HERC4: variants seen among roughly 807,000 people sequenced by gnomAD.
HERC4 encodes probable E3 ubiquitin-protein ligase HERC4.
HERC4 carries 28 observed loss-of-function variants against 124.3 expected under a neutral mutation model. The observed-to-expected ratio is 0.23, with a 90% confidence interval of 0.17 to 0.31. The LOEUF is 0.31. HERC4 is among the 10% of genes least tolerant of loss of function. HERC4 has a pLI of 1.00. For missense variants in HERC4, 713 were observed against 1,229.3 expected (o/e 0.58, Z 6.28); for synonymous variants, 407 against 421.5 (o/e 0.97, Z 0.42).
At chr10:68,051,816 G>A (rs2133604543) in intron 3 of HERC4, among the ~76,000 whole-genome samples, 1 of 151,296 alleles carries the variant, frequency 6.6e-6, no homozygotes, top group East Asian at 1.9e-4. Context: ...AGGCTCCTGA[G>A]TAGCTGAGAC....
At chr10:68,059,843 T>TA (rs369176272) in intron 3 of HERC4, among the ~76,000 whole-genome samples, 1,616 of 26,260 alleles carry the variant, frequency 0.062, 240 homozygotes, top group African/African-American at 0.27. Flanking sequence ...TATATTATAA[T>TA]ATATTATATA....
intron 9 of HERC4, chr10:67,996,168 G>A (rs533533257): frequency 1.3e-5 from 6 of 448,446 alleles, no homozygotes; most frequent in African/African-American, 8.1e-5. Context: ...TTGGTTAAGC[G>A]TGGTGGCGCA....
intron 15 of HERC4, among the ~76,000 whole-genome samples, chr10:67,968,744 A>C (rs1183000998): frequency 3.3e-5 from 5 of 152,058 alleles, no homozygotes. Flanking sequence ...ATTTCATAAT[A>C]ATAAAAGGAT....
chr10:68,058,597 T>C (rs2040673084), intron 3 of HERC4, among the ~76,000 whole-genome samples: 1 of 152,158 alleles, frequency 6.6e-6, no homozygotes, highest in Admixed American at 6.5e-5. Flanking sequence ...GGTTTTATCT[T>C]TATTTTTTTG....
rs748186150 is a variant in HERC4, at chr10:67,990,220, T to C, written c.1624A>G (p.Lys542Glu). ...ATATTAGAATTCTTACCAAGTACTTTCAGTGGTGCCTTTTCTAGGTTCACA... is the reference window on the plus strand; with the variant it reads ...ATATTAGAATTCTTACCAAGTACTTCCAGTGGTGCCTTTTCTAGGTTCACA... ...ALVNLEKAPL[K>E]VLENWWSVLE... The change falls in exon 14 of 25, where the codon AAA becomes GAA. Residue 542 changes from lysine to glutamate, a missense_variant. Transcript: ENST00000373700. The C allele has an allele frequency of 6.2e-7, 1 of 1,600,650 alleles. No individual in the cohort carries two copies. The highest frequency in any genetic ancestry group is 1.2e-5 in the South Asian group (1 of 86,940).
intron 16 of HERC4, among the ~76,000 whole-genome samples, chr10:67,957,828 TAC>T (rs1459912336): frequency 2.6e-5 from 4 of 152,116 alleles, no homozygotes; most frequent in African/African-American, 9.6e-5. Flanking sequence ...TTTTCCCCCA[TAC>T]AGAGTCTTGC....
At chr10:68,024,746 T>C (rs936611037) in intron 8 of HERC4, among the ~76,000 whole-genome samples, 2 of 152,126 alleles carry the variant, frequency 1.3e-5, no homozygotes, top group African/African-American at 4.8e-5. Flanking sequence ...TGATCAAAAT[T>C]AAGTTATGTG....
chr10:68,060,674 C>T (rs537046011), intron 3 of HERC4, among the ~76,000 whole-genome samples: 1 of 152,294 alleles, frequency 6.6e-6, no homozygotes, highest in East Asian at 1.9e-4. Flanking sequence ...TGCAGAGGCT[C>T]ATTCAACTTC....
intron 23 of HERC4, among the ~76,000 whole-genome samples, chr10:67,932,067 C>A (rs1388162726): frequency 6.6e-6 from 1 of 152,138 alleles, no homozygotes; most frequent in South Asian, 2.1e-4. Context: ...AAGAGACTCT[C>A]CTGCCTCAGC....
intron 13 of HERC4, among the ~76,000 whole-genome samples, chr10:67,990,629 G>A (rs546762373): frequency 1.5e-4 from 23 of 152,010 alleles, no homozygotes; most frequent in Non-Finnish European, 2.4e-4. Context: ...AAAAAATCAC[G>A]TGTACAAGTC....
In HERC4 at chr10:68,032,777, C is replaced by T. The variant is rs1256408935; in HGVS notation, c.777+1G>A. The T allele has an allele frequency of 6.8e-7, 1 of 1,477,342 alleles. No individual in the cohort carries two copies. Among genetic ancestry groups the T allele is most frequent in the East Asian group, 2.3e-5 (1 of 44,104 alleles). The allele number at this position is 1,477,342 out of a possible 1,614,324, so 91.5% of individuals were successfully genotyped here. On this transcript the variant is annotated splice_donor_variant, in intron 7 of 24. Transcript: ENST00000373700. LOFTEE classifies it high-confidence loss of function. ...ATAAAGAAGTTTTAGAAGTACAATA[C>T]CTTGGTTAGAGCAGCAGTATGATCT...
intron 7 of HERC4, among the ~76,000 whole-genome samples, chr10:68,030,604 A>G (rs923691633): frequency 2.0e-5 from 3 of 152,102 alleles, no homozygotes; most frequent in African/African-American, 7.2e-5. Flanking sequence ...TTTACACTTC[A>G]CTGTACTTCA....
intron 3 of HERC4, among the ~76,000 whole-genome samples, chr10:68,072,089 A>G (rs1455443509): frequency 6.6e-6 from 1 of 152,246 alleles, no homozygotes; most frequent in East Asian, 1.9e-4. Context: ...ACAGTAAGTC[A>G]GTATAGCTGC....
chr10:67,941,251 G>A (rs2032861080), intron 19 of HERC4, 146 bp from the exon 20 acceptor site: 1 of 533,082 alleles, frequency 1.9e-6, no homozygotes, highest in Non-Finnish European at 3.2e-6. Flanking sequence ...CTGTCTCCCT[G>A]GGATAACATC....
intron 21 of HERC4, among the ~76,000 whole-genome samples, chr10:67,937,844 G>T (rs1197721332): frequency 6.6e-6 from 1 of 151,636 alleles, no homozygotes; most frequent in Non-Finnish European, 1.5e-5. Context: ...ACCATGCCTG[G>T]CTCATTTTTG....
intron 15 of HERC4, among the ~76,000 whole-genome samples, chr10:67,981,657 T>C (rs2035936918): frequency 6.6e-6 from 1 of 152,150 alleles, no homozygotes. Flanking sequence ...TCTTAAACCA[T>C]TCAAAAAAAC....
intron 4 of HERC4, chr10:68,040,281 G>C (rs2039694078): frequency 2.0e-6 from 2 of 980,060 alleles, no homozygotes; most frequent in African/African-American, 3.5e-5. Context: ...ATGCTACAGA[G>C]ACCAGAAGTA....
chr10:68,042,992 T>A (rs2039844913), intron 4 of HERC4, among the ~76,000 whole-genome samples: 1 of 152,194 alleles, frequency 6.6e-6, no homozygotes, highest in South Asian at 2.1e-4. Flanking sequence ...AAAATAAAGA[T>A]GTTGAAACCA....
At chr10:68,056,255 G>A (rs751369018) in intron 3 of HERC4, among the ~76,000 whole-genome samples, 3 of 151,954 alleles carry the variant, frequency 2.0e-5, no homozygotes, top group Admixed American at 6.6e-5. Flanking sequence ...TAAATTTTTC[G>A]CTCTAATGTA....
Sources: allele counts gnomAD v4.1 joint callset (sites outside exome capture counted in the v4.1 genomes callset), GRCh38; gene constraint gnomAD v4.1.1; transcripts MANE v1.5; gene names NCBI Gene and HGNC (gene_info 2026-07-23, HGNC 2026-07-21).